Variants in RNF220 observed in about 807,000 individuals in gnomAD.
RNF220 encodes ring finger protein 220.
Under a neutral mutation model 67.1 loss-of-function variants are expected in RNF220, and 7 were observed. The ratio of observed to expected loss-of-function variants is 0.10; its 90% CI spans 0.06 to 0.20. The LOEUF (loss-of-function observed/expected upper bound fraction) is 0.20. Among genes scored for constraint, RNF220 ranks in the 10% least tolerant of loss-of-function variants. The probability of loss-of-function intolerance (pLI) is 1.00; values close to 1 mark genes in which losing one functional copy is unlikely to be tolerated. For missense variants in RNF220, 565 were observed against 740.3 expected, an observed-to-expected ratio of 0.76 and a Z score of 2.75; for synonymous variants, 270 against 283.2, an observed-to-expected ratio of 0.95 and a Z score of 0.47.
At chr1:44,485,791 G>T (rs940653287) in intron 2 of RNF220, among the ~76,000 whole-genome samples, 18 of 152,250 alleles carry the variant, frequency 1.2e-4, no homozygotes, top group South Asian at 2.1e-4. Context: ...AAGATGCTGG[G>T]GTAATTACAT....
At chr1:44,442,402 T>C (rs912556260) in intron 2 of RNF220, among the ~76,000 whole-genome samples, 19 of 152,014 alleles carry the variant, frequency 1.2e-4, no homozygotes, top group Non-Finnish European at 2.9e-5. Flanking sequence ...CTCAGCCTCC[T>C]AAAGTGTTAA....
At chr1:44,428,279 A>G (rs1650002193) in intron 2 of RNF220, among the ~76,000 whole-genome samples, 1 of 152,216 alleles carries the variant, frequency 6.6e-6, no homozygotes, top group Admixed American at 6.5e-5. Context: ...CTGGTCAGCC[A>G]ACTCAGATAG....
chr1:44,546,175 G>T (rs1016442412), intron 2 of RNF220, among the ~76,000 whole-genome samples: 4 of 152,112 alleles, frequency 2.6e-5, no homozygotes, highest in Admixed American at 2.0e-4. Flanking sequence ...GCTGCAGGAC[G>T]TGGGAGGAGA....
At chr1:44,434,635 TGA>T (rs1367374392) in intron 2 of RNF220, among the ~76,000 whole-genome samples, 1 of 150,818 alleles carries the variant, frequency 6.6e-6, no homozygotes, top group African/African-American at 2.4e-5. Flanking sequence ...GAGAATGGCA[TGA>T]ACCTGGGAGG....
chr1:44,584,744 G>C (rs979942308), intron 2 of RNF220, among the ~76,000 whole-genome samples: 5 of 152,192 alleles, frequency 3.3e-5, no homozygotes, highest in Non-Finnish European at 7.3e-5. Flanking sequence ...TGTCGCCTAG[G>C]CTGGAGTGCA....
At chr1:44,441,554 A>G (rs919089426) in intron 2 of RNF220, among the ~76,000 whole-genome samples, 1 of 152,226 alleles carries the variant, frequency 6.6e-6, no homozygotes, top group African/African-American at 2.4e-5. Context: ...GGAGATGAGC[A>G]ATATTCTGAA....
chr1:44,523,489 G>A (rs1208957801), intron 2 of RNF220, among the ~76,000 whole-genome samples: 6 of 152,334 alleles, frequency 3.9e-5, no homozygotes, highest in Middle Eastern at 3.4e-3. Flanking sequence ...TTGGTCCCGC[G>A]CTTCCTGAAT....
chr1:44,609,462 C>T (rs6680764), intron 2 of RNF220, among the ~76,000 whole-genome samples: 3,794 of 152,256 alleles, frequency 0.025, 167 homozygotes, highest in African/African-American at 0.086. Context: ...CAAGGCCAGA[C>T]GTGGGTGAGT....
chr1:44,628,933 T>C (rs929791475), intron 5 of RNF220, among the ~76,000 whole-genome samples: 2 of 152,258 alleles, frequency 1.3e-5, no homozygotes, highest in African/African-American at 2.4e-5. Flanking sequence ...GTTTCCGTTA[T>C]CTACAAACCA....
intron 2 of RNF220, among the ~76,000 whole-genome samples, chr1:44,475,701 T>G (rs751775358): frequency 6.6e-6 from 1 of 151,096 alleles, no homozygotes; most frequent in Non-Finnish European, 1.5e-5. Context: ...ATCTATTGGG[T>G]GCCATTATTG....
At chr1:44,625,309 T>C (rs567567132) in intron 4 of RNF220, among the ~76,000 whole-genome samples, 1 of 152,338 alleles carries the variant, frequency 6.6e-6, no homozygotes, top group Admixed American at 6.5e-5. Flanking sequence ...TCCTGGGGTA[T>C]GGGCAAGTCA....
chr1:44,539,492 T>TGAGAGCAAGA (rs1661512037), intron 2 of RNF220, among the ~76,000 whole-genome samples: 1 of 152,188 alleles, frequency 6.6e-6, no homozygotes, highest in Non-Finnish European at 1.5e-5. Context: ...ACACAAGGAT[T>TGAGAGCAAGA]CACGTAGCCT....
chr1:44,640,451 C>T (rs191734938), intron 8 of RNF220, among the ~76,000 whole-genome samples: 78 of 152,336 alleles, frequency 5.1e-4, no homozygotes, highest in African/African-American at 1.6e-3. Context: ...CTTCTGTCCC[C>T]CGTGGCAACT....
chr1:44,555,610 G>A (rs1663013333), intron 2 of RNF220, among the ~76,000 whole-genome samples: 2 of 150,804 alleles, frequency 1.3e-5, no homozygotes, highest in African/African-American at 4.9e-5. Flanking sequence ...GAGTAGCTGG[G>A]ACTACAGGCG....
chr1:44,432,895 C>CTTT (rs759672475), intron 2 of RNF220, among the ~76,000 whole-genome samples: 1 of 104,402 alleles, frequency 9.6e-6, no homozygotes, highest in Non-Finnish European at 2.0e-5. Context: ...TTCAAATTGG[C>CTTT]TTTTCTTTTT....
rs1650312799 is a variant in RNF220 at position 44,431,043 on chromosome 1, C to A, written c.625+18321C>A. Among the ~76,000 whole-genome samples the A allele has an allele frequency of 6.6e-5, 10 of 152,292 alleles. No individual in the cohort carries two copies. In the South Asian group the frequency reaches 2.1e-3, roughly 32 times the overall value. On this transcript the variant is annotated intron_variant, in intron 2 of 14. Coordinates refer to ENST00000361799, the MANE Select transcript of RNF220 (RefSeq NM_018150.4). ...ACAGTCACAATTGCTGGGAAAGTGT[C>A]TGATTTGTGTGTGTGCGTTGACAAA...
chr1:44,593,584 A>G (rs1666261064), intron 2 of RNF220, among the ~76,000 whole-genome samples: 1 of 152,042 alleles, frequency 6.6e-6, no homozygotes, highest in Admixed American at 6.6e-5. Flanking sequence ...CTACCTGGGC[A>G]TGGTGGCACA....
intron 2 of RNF220, among the ~76,000 whole-genome samples, chr1:44,477,114 G>A (rs1053870949): frequency 3.9e-5 from 6 of 152,222 alleles, no homozygotes; most frequent in Admixed American, 3.3e-4. Flanking sequence ...GCTGCTCAAA[G>A]AGTATGCAAA....
chr1:44,650,607 C>G lies in RNF220; in HGVS notation c.1630-97C>G, dbSNP rs1231320630. ...GGCTGACAGGACCAAGGTCTCAGCA[C>G]ACACTGGTGCAGAGAGACATGGCTG... On this transcript the variant is annotated intron_variant, in intron 14 of 14. Transcript: ENST00000361799. The surrounding 1 kb of genome is among the most constrained non-coding windows in gnomAD (Gnocchi z 4.3). 2 of 1,347,044 alleles carry G rather than the reference C, an allele frequency of 1.5e-6. No individual in the cohort carries two copies. The highest frequency in any genetic ancestry group is 2.9e-5 in the African/African-American group (2 of 69,736). 83.4% of individuals were successfully genotyped at this position (1,347,044 alleles called of 1,614,324 possible).
Sources: allele counts gnomAD v4.1 joint callset (sites outside exome capture counted in the v4.1 genomes callset), GRCh38; gene constraint gnomAD v4.1.1; non-coding constraint Gnocchi (gnomAD v3.1); transcripts MANE v1.5; gene names NCBI Gene and HGNC (gene_info 2026-07-23, HGNC 2026-07-21).